RTL4: variants seen among roughly 807,000 people sequenced by gnomAD.
RTL4 encodes retrotransposon Gag-like protein 4.
In RTL4, 4 loss-of-function variants were observed where a neutral mutation model predicts 5.3. The ratio of observed to expected loss-of-function variants is 0.75; its 90% CI spans 0.37 to 1.72. The LOEUF (loss-of-function observed/expected upper bound fraction) is 1.72. Ranked by LOEUF, RTL4 falls within the 40% of genes most tolerant of loss-of-function variation. RTL4 has a pLI of 0.04. For missense variants in RTL4, 260 were observed against 227.1 expected, an observed-to-expected ratio of 1.14 and a Z score of -0.93; for synonymous variants, 98 against 87.3, an observed-to-expected ratio of 1.12 and a Z score of -0.68.
chrX:112,227,010 A>AAAT, the RTL4 span, among the ~76,000 whole-genome samples: 1 of 109,148 alleles, frequency 9.2e-6, no homozygotes, highest in African/African-American at 3.3e-5. Flanking sequence ...AAAATAAAAT[A>AAAT]AAATATAAAA....
chrX:112,130,918 C>T, the RTL4 span, among the ~76,000 whole-genome samples: 21 of 105,207 alleles, frequency 2.0e-4, no homozygotes, highest in East Asian at 2.9e-4. Context: ...TTCAGTCTCC[C>T]GAGTAGCTGG....
At chrX:112,131,957 A>G in the RTL4 span, among the ~76,000 whole-genome samples, 1 of 111,863 alleles carries the variant, frequency 8.9e-6, no homozygotes, top group Non-Finnish European at 1.9e-5. Flanking sequence ...CCTATGAAGT[A>G]GTACCTATTA....
At chrX:112,147,460 G>C in the RTL4 span, among the ~76,000 whole-genome samples, 1 of 111,396 alleles carries the variant, frequency 9.0e-6, no homozygotes, top group Non-Finnish European at 1.9e-5. Context: ...AAATTCTGTG[G>C]CTCTGGATCA....
At chrX:112,275,696 G>C in the RTL4 span, among the ~76,000 whole-genome samples, 1 of 111,666 alleles carries the variant, frequency 9.0e-6, no homozygotes, top group African/African-American at 3.3e-5. Context: ...AGCACTTTGG[G>C]AGGCCAAGGC....
At chrX:112,242,318 C>T in the RTL4 span, among the ~76,000 whole-genome samples, 2 of 111,567 alleles carry the variant, frequency 1.8e-5, no homozygotes, top group African/African-American at 3.3e-5. Context: ...TTGATTCTTC[C>T]TATTCATGAG....
At chrX:112,317,221 G>T in the RTL4 span, among the ~76,000 whole-genome samples, 410 of 111,660 alleles carry the variant, frequency 3.7e-3, no homozygotes, top group African/African-American at 0.012. Flanking sequence ...TGCACCTGTA[G>T]TCCCAGGTAC....
chrX:112,255,807 C>T, the RTL4 span, among the ~76,000 whole-genome samples: 6 of 111,852 alleles, frequency 5.4e-5, no homozygotes, highest in East Asian at 5.6e-4. Flanking sequence ...TTACTTCATC[C>T]GTTCTTCCTC....
the RTL4 span, among the ~76,000 whole-genome samples, chrX:112,438,101 C>T: frequency 9.0e-6 from 1 of 111,238 alleles, no homozygotes; most frequent in East Asian, 2.8e-4. Context: ...TTTGTTTTCT[C>T]ACATAGTTTC....
chrX:112,119,699 T>C, the RTL4 span, among the ~76,000 whole-genome samples: 1 of 111,901 alleles, frequency 8.9e-6, no homozygotes, highest in Non-Finnish European at 1.9e-5. Flanking sequence ...CTGTGGAGTC[T>C]AACTGTGATG....
the RTL4 span, among the ~76,000 whole-genome samples, chrX:112,141,280 A>G: frequency 8.9e-6 from 1 of 112,031 alleles, no homozygotes; most frequent in East Asian, 2.8e-4. Context: ...AACCTTACTA[A>G]GCCCATTCAT....
At chrX:112,169,143 G>A in the RTL4 span, among the ~76,000 whole-genome samples, 17 of 91,249 alleles carry the variant, frequency 1.9e-4, no homozygotes, top group East Asian at 1.4e-3. Context: ...ACAATGTTTC[G>A]CTCTTGTTGC....
chrX:112,084,256 G>T, the RTL4 span, among the ~76,000 whole-genome samples: 1 of 111,196 alleles, frequency 9.0e-6, no homozygotes, highest in Admixed American at 9.5e-5. Context: ...GTCGCTCGGG[G>T]CACCAAGCAA....
the RTL4 span, among the ~76,000 whole-genome samples, chrX:112,229,231 C>A: frequency 2.7e-5 from 3 of 112,040 alleles, no homozygotes; most frequent in African/African-American, 9.7e-5. Flanking sequence ...AGGAACTGTG[C>A]CAGGCATGGA....
At chrX:112,449,830 G>A (rs777856503), upstream of RTL4, among the ~76,000 whole-genome samples, 24 of 112,193 alleles carry the variant, frequency 2.1e-4, no homozygotes, top group Non-Finnish European at 3.2e-4. Context: ...TGGGAAGCCC[G>A]ATGCCTTCAT....
the RTL4 span, among the ~76,000 whole-genome samples, chrX:112,089,630 G>A: frequency 1.4e-4 from 16 of 111,430 alleles, no homozygotes; most frequent in African/African-American, 4.9e-4. Context: ...ATACCACACC[G>A]TTTTTATTAC....
At chrX:112,223,023 A>G in the RTL4 span, among the ~76,000 whole-genome samples, 1 of 112,642 alleles carries the variant, frequency 8.9e-6, no homozygotes, top group Middle Eastern at 4.2e-3. Flanking sequence ...CAGGATGCTG[A>G]ACACTTTTCC....
the RTL4 span, among the ~76,000 whole-genome samples, chrX:112,378,791 C>A: frequency 8.9e-6 from 1 of 111,837 alleles, no homozygotes; most frequent in Admixed American, 9.4e-5. Flanking sequence ...ACTACCAAAG[C>A]TGATTTAGCT....
At chrX:112,202,537 CATTATTATT>C in the RTL4 span, among the ~76,000 whole-genome samples, 331 of 97,146 alleles carry the variant, frequency 3.4e-3, 2 homozygotes, top group African/African-American at 0.01. Context: ...TAGTTTTATT[CATTATTATT>C]ATTATTATTA....
chrX:112,349,240 T>G, the RTL4 span, among the ~76,000 whole-genome samples: 75 of 111,568 alleles, frequency 6.7e-4, no homozygotes, highest in Non-Finnish European at 1.2e-3. Flanking sequence ...ACAGAATGAG[T>G]GTGACTTTGT....
Sources: gnomAD v4.1 joint callset for allele counts (sites outside exome capture counted in the v4.1 genomes callset) on GRCh38, gnomAD v4.1.1 for gene constraint, MANE v1.5 for transcripts, NCBI Gene and HGNC (gene_info 2026-07-23, HGNC 2026-07-21) for gene names.